Variants in HDAC4 observed in about 807,000 individuals in gnomAD.
HDAC4 encodes histone deacetylase 4, also known as histone deacetylase A.
HDAC4 carries 16 observed loss-of-function variants against 135.1 expected under a neutral mutation model. The observed-to-expected ratio is 0.12, with a 90% CI of 0.08 to 0.18. HDAC4 has a LOEUF of 0.18. HDAC4 is among the 10% of genes least tolerant of loss of function. HDAC4 has a pLI of 1.00. For missense variants in HDAC4, 1,143 were observed against 1,511.8 expected, an observed-to-expected ratio of 0.76 and a Z score of 4.05; for synonymous variants, 685 against 653.4, an observed-to-expected ratio of 1.05 and a Z score of -0.74.
rs547805550 is a variant in HDAC4 at position 239,252,867 on chromosome 2, C to A, written c.23-16203G>T. ...GCAGAAATCCGATCATTTCTCTCCT[C>A]CCTCCCTGACGCACACACCCTTAAG... is the stretch of plus-strand genomic sequence containing the variant. On this transcript the variant is annotated intron_variant, in intron 2 of 26. Coordinates refer to ENST00000543185, the MANE Select transcript of HDAC4 (RefSeq NM_001378414.1). 1.5e-3 allele frequency among the ~76,000 whole-genome samples: 234 copies of A among 152,344 alleles called. 2 individuals are homozygous for A. Among genetic ancestry groups the A allele is most frequent in the Middle Eastern group, 3.4e-3 (1 of 294 alleles).
chr2:239,337,483 C>G (rs960275597), intron 2 of HDAC4, among the ~76,000 whole-genome samples: 1 of 152,126 alleles, frequency 6.6e-6, no homozygotes. Context: ...TCAGGACTCA[C>G]GGGAGTAAGC....
intron 2 of HDAC4, among the ~76,000 whole-genome samples, chr2:239,259,945 AAGG>A (rs2049257749): frequency 6.6e-6 from 1 of 152,220 alleles, no homozygotes; most frequent in South Asian, 2.1e-4. Context: ...ACAGCCAGCT[AAGG>A]AGAAGAGGAT....
At chr2:239,261,145 T>C (rs1013081570) in intron 2 of HDAC4, among the ~76,000 whole-genome samples, 3 of 152,098 alleles carry the variant, frequency 2.0e-5, no homozygotes, top group African/African-American at 7.2e-5. Flanking sequence ...CCTCCTGAGA[T>C]GGGGTGGCCG....
intron 2 of HDAC4, among the ~76,000 whole-genome samples, chr2:239,269,944 T>C (rs1179044301): frequency 6.6e-6 from 1 of 152,132 alleles, no homozygotes; most frequent in Non-Finnish European, 1.5e-5. Context: ...TGTCAGGGCT[T>C]CATAGACAAG....
Position 239,264,289 on chromosome 2 carries a change from T to G in HDAC4, c.23-27625A>C, listed in dbSNP as rs181988359. On this transcript the variant is annotated intron_variant, in intron 2 of 26. Transcript: ENST00000543185. ...AGCAGATGCGCCTGCCAGGTTCCAT[T>G]CAGCTTCGGTTTGCAAATGGAAGCA... Among the ~76,000 whole-genome samples, 9 of 152,334 alleles carry G rather than the reference T, an allele frequency of 5.9e-5. No individual in the cohort carries two copies. The East Asian group carries it at 1.7e-3, about 29-fold the overall frequency.
intron 16 of HDAC4, among the ~76,000 whole-genome samples, chr2:239,098,617 G>A (rs1489764494): frequency 2.6e-5 from 4 of 152,234 alleles, no homozygotes; most frequent in Non-Finnish European, 5.9e-5. Flanking sequence ...ATTCAGCCAC[G>A]CCTTATGTGT....
Position 239,210,748 on chromosome 2 carries a change from G to T in HDAC4, c.95-20671C>A, listed in dbSNP as rs535448034. On this transcript the variant is annotated intron_variant, in intron 3 of 26. Transcript: ENST00000543185. ...AAAATCCTACCATCCTGAATTCCTG[G>T]TGACAGAGGACACTCAACAGGTGGG... is the stretch of plus-strand genomic sequence containing the variant. Among the ~76,000 whole-genome samples, 10 of 152,292 alleles carry T rather than the reference G, an allele frequency of 6.6e-5. No homozygotes were observed. In the South Asian group the frequency reaches 2.1e-3, roughly 32 times the overall value.
intron 3 of HDAC4, among the ~76,000 whole-genome samples, chr2:239,215,890 C>CA (rs1303213559): frequency 6.6e-6 from 1 of 152,144 alleles, no homozygotes; most frequent in Admixed American, 6.5e-5. Context: ...CTCTGGAAGG[C>CA]AATTTGATAA....
In HDAC4 at chr2:239,307,385, G is replaced by A. The variant is rs1297984292; in HGVS notation, c.22+45293C>T. Among the ~76,000 whole-genome samples, 1 of 152,130 alleles carries A rather than the reference G, an allele frequency of 6.6e-6. No individual in the cohort carries two copies. Among genetic ancestry groups the A allele is most frequent in the African/African-American group, 2.4e-5 (1 of 41,430 alleles). On this transcript the variant is annotated intron_variant, in intron 2 of 26. Coordinates refer to ENST00000543185, the MANE Select transcript of HDAC4 (RefSeq NM_001378414.1). This position sits in a 1 kb window ranked among gnomAD's most constrained non-coding sequence, Gnocchi z 4.8. Reference sequence around the variant, plus strand: ...CGGCTCTCCGTGATGCCCAGAGGCGGCCACTGGGCCCCAGGAGAGAGGGGC... The same window carrying A: ...CGGCTCTCCGTGATGCCCAGAGGCGACCACTGGGCCCCAGGAGAGAGGGGC...
At chr2:239,246,898 C>T (rs998830691) in intron 2 of HDAC4, among the ~76,000 whole-genome samples, 7 of 152,204 alleles carry the variant, frequency 4.6e-5, no homozygotes, top group Non-Finnish European at 8.8e-5. Flanking sequence ...CGTCACTGCA[C>T]AGCTGTGCTG....
intron 3 of HDAC4, among the ~76,000 whole-genome samples, chr2:239,200,792 G>A (rs1028574659): frequency 6.6e-6 from 1 of 152,138 alleles, no homozygotes; most frequent in East Asian, 1.9e-4. Context: ...TGCATTCGAC[G>A]CCGTGCTCGG....
At chr2:239,340,596 T>C (rs1192292294) in intron 2 of HDAC4, among the ~76,000 whole-genome samples, 1 of 152,200 alleles carries the variant, frequency 6.6e-6, no homozygotes, top group Non-Finnish European at 1.5e-5. Context: ...TATCATTCTG[T>C]TACAACAGCC....
At chr2:239,159,922 C>G (rs2042685408) in intron 6 of HDAC4, among the ~76,000 whole-genome samples, 1 of 152,294 alleles carries the variant, frequency 6.6e-6, no homozygotes, top group Non-Finnish European at 1.5e-5. Flanking sequence ...AAAGGCAAAC[C>G]TTGTCTTCCG....
intron 1 of HDAC4, among the ~76,000 whole-genome samples, chr2:239,387,678 A>C (rs555142177): frequency 6.1e-4 from 93 of 152,292 alleles, no homozygotes; most frequent in Non-Finnish European, 1.2e-3. Flanking sequence ...TCGTGTGGAG[A>C]AGAAAACCGA....
intron 18 of HDAC4, among the ~76,000 whole-genome samples, chr2:239,088,541 G>A (rs993802148): frequency 5.3e-5 from 8 of 152,224 alleles, no homozygotes; most frequent in African/African-American, 1.7e-4. Context: ...GAGGCTCTAT[G>A]TACTCTTTTC....
intron 13 of HDAC4, 77 bp downstream of exon 13, chr2:239,114,976 A>G: frequency 1.9e-6 from 3 of 1,556,658 alleles, no homozygotes; most frequent in African/African-American, 1.4e-5. Context: ...CCCCGTGATC[A>G]CCACAGAAGA....
chr2:239,260,072 A>C (rs1228743873), intron 2 of HDAC4, among the ~76,000 whole-genome samples: 1 of 152,234 alleles, frequency 6.6e-6, no homozygotes, highest in Non-Finnish European at 1.5e-5. Context: ...TCCTAACTGC[A>C]TGCCAGGCCG....
intron 24 of HDAC4, among the ~76,000 whole-genome samples, chr2:239,058,807 A>G (rs1477585182): frequency 1.3e-5 from 2 of 152,262 alleles, no homozygotes; most frequent in Non-Finnish European, 2.9e-5. Flanking sequence ...TCTCAGATCC[A>G]GCAGACAATC....
intron 2 of HDAC4, among the ~76,000 whole-genome samples, chr2:239,319,985 A>G (rs969434549): frequency 2.0e-5 from 3 of 152,054 alleles, no homozygotes; most frequent in Non-Finnish European, 4.4e-5. Flanking sequence ...CTGCTATTGT[A>G]TTGCTTTAAA....
Sources: gnomAD v4.1 joint callset for allele counts (sites outside exome capture counted in the v4.1 genomes callset) on GRCh38, gnomAD v4.1.1 for gene constraint, Gnocchi (gnomAD v3.1) non-coding constraint, MANE v1.5 for transcripts, NCBI Gene and HGNC (gene_info 2026-07-23, HGNC 2026-07-21) for gene names.